The following UBR2 variants were observed in gnomAD, a reference collection of about 807,000 sequenced individuals.
The protein encoded by UBR2 is ubiquitin protein ligase E3 component n-recognin 2.
In UBR2, 92 loss-of-function variants were observed where a neutral mutation model predicts 247.9. That is an observed-to-expected ratio of 0.37 (90% confidence interval 0.31 to 0.44). The LOEUF (loss-of-function observed/expected upper bound fraction) is 0.44, where lower values mean the gene tolerates loss of function less well. Ranked by LOEUF, UBR2 falls within the 20% of genes least tolerant of loss-of-function variation. The pLI, the probability that UBR2 is intolerant of heterozygous loss-of-function variation, is 1.00. For synonymous variants in UBR2, 672 were observed against 693.5 expected (o/e 0.97, Z 0.49); for missense variants, 1,613 against 2,112.6 (o/e 0.76, Z 4.64).
intron 13 of UBR2, among the ~76,000 whole-genome samples, chr6:42,634,858 A>G (rs1562337640): frequency 6.6e-6 from 1 of 152,326 alleles, no homozygotes; most frequent in South Asian, 2.1e-4. Context: ...TACTTTGGTC[A>G]TTTTTGATAC....
intron 7 of UBR2, among the ~76,000 whole-genome samples, chr6:42,611,491 C>G (rs1794085387): frequency 6.7e-6 from 1 of 150,366 alleles, no homozygotes; most frequent in African/African-American, 2.4e-5. Flanking sequence ...AACATCACAT[C>G]TATGCAATAA....
chr6:42,654,578 A>G (rs1481475012), intron 25 of UBR2, among the ~76,000 whole-genome samples: 2 of 152,172 alleles, frequency 1.3e-5, no homozygotes, highest in African/African-American at 4.8e-5. Context: ...TAAAAAAATT[A>G]GCCAATCGTC....
At chr6:42,614,770 T>C (rs1342500027) in intron 8 of UBR2, among the ~76,000 whole-genome samples, 1 of 148,640 alleles carries the variant, frequency 6.7e-6, no homozygotes, top group Non-Finnish European at 1.5e-5. Context: ...AAGAACAATA[T>C]TAAGTGGTTT....
intron 22 of UBR2, among the ~76,000 whole-genome samples, chr6:42,648,863 G>C (rs1400605473): frequency 1.3e-5 from 2 of 151,502 alleles, no homozygotes; most frequent in African/African-American, 2.4e-5. Context: ...ACAAAAAATG[G>C]GTTCATTTCG....
rs761571367 is a variant in UBR2, at chr6:42,668,632, G to T, written c.3882-1460G>T. Among the ~76,000 whole-genome samples the T allele has an allele frequency of 1.1e-3, 170 of 152,050 alleles. 1 individual carries two copies. Among genetic ancestry groups the T allele is most frequent in the Non-Finnish European group, 1.9e-3 (131 of 68,000 alleles). On this transcript the variant is annotated intron_variant, in intron 34 of 46. Transcript: ENST00000372901. ...TTTTTGTATTTTTAGTAGAGACAGG[G>T]TTTCACCCCATCTTGGCCAGACTGG... is the stretch of plus-strand genomic sequence containing the variant.
At chr6:42,638,560 CTCT>C (rs980387900) in intron 15 of UBR2, among the ~76,000 whole-genome samples, 27 of 152,230 alleles carry the variant, frequency 1.8e-4, no homozygotes, top group African/African-American at 6.5e-4. Context: ...GAAGAAATCT[CTCT>C]TATTTCTATA....
intron 34 of UBR2, among the ~76,000 whole-genome samples, chr6:42,667,794 C>A (rs999981689): frequency 2.9e-5 from 4 of 139,440 alleles, no homozygotes; most frequent in Admixed American, 7.6e-5. Flanking sequence ...GAGTCTCACT[C>A]TGTCACCCAG....
chr6:42,634,801 T>C (rs1204687622), intron 13 of UBR2, among the ~76,000 whole-genome samples: 2 of 152,226 alleles, frequency 1.3e-5, no homozygotes. Flanking sequence ...TCATGGGTGT[T>C]TATTATAATA....
intron 5 of UBR2, among the ~76,000 whole-genome samples, chr6:42,605,356 G>A (rs1031522583): frequency 1.3e-5 from 2 of 152,188 alleles, no homozygotes; most frequent in Admixed American, 1.3e-4. Context: ...AATGTCTCCA[G>A]ATGTTGCCAA....
At chr6:42,651,573 C>T (rs1477063943) in intron 23 of UBR2, among the ~76,000 whole-genome samples, 2 of 151,942 alleles carry the variant, frequency 1.3e-5, no homozygotes, top group East Asian at 1.9e-4. Flanking sequence ...TCACTAGAGC[C>T]CCTGCCTCCC....
Position 42,603,692 on chromosome 6 carries a change from TGAA to T in UBR2, c.637_639del (p.Glu213del). ...AAATATTAACCTGGGAAAAAGAAAG[TGAA>T]TTGCCAGCAGATTTAGAGATGGTGT... On this transcript the variant is annotated inframe_deletion, in exon 5 of 47. Transcript: ENST00000372901. 1 of 1,599,120 alleles carries T rather than the reference TGAA, an allele frequency of 6.3e-7. No homozygotes were observed. Among genetic ancestry groups the T allele is most frequent in the Non-Finnish European group, 8.5e-7 (1 of 1,176,734 alleles).
chr6:42,569,128 A>T (rs545731130), intron 1 of UBR2, among the ~76,000 whole-genome samples: 2 of 152,322 alleles, frequency 1.3e-5, no homozygotes, highest in African/African-American at 2.4e-5. Context: ...GTTGCTGTGA[A>T]CATTTTTTAC....
At chr6:42,660,294 C>T (rs1582672613) in intron 30 of UBR2, among the ~76,000 whole-genome samples, 1 of 152,068 alleles carries the variant, frequency 6.6e-6, no homozygotes, top group South Asian at 2.1e-4. Flanking sequence ...AATAGTAATA[C>T]CACCACAGAT....
rs1414342922 is a variant in UBR2 at position 42,676,267 on chromosome 6, A to G, written c.4387+76A>G. 2.8e-6 allele frequency: 4 copies of G among 1,442,018 alleles called. No homozygotes were observed. The Admixed American group carries it at 1.0e-4, about 37-fold the overall frequency. The allele number at this position is 1,442,018 out of a possible 1,614,324, so 89.3% of individuals were successfully genotyped here. A position where few individuals can be genotyped will look rare whatever the true frequency, so the allele number is the denominator to read the frequency against. On this transcript the variant is annotated intron_variant, in intron 39 of 46. Transcript: ENST00000372901. Reference sequence around the variant, plus strand: ...GAGTTTTAAAAAAAGTATTAGAGGAAAAGGTATTTGGATGAGAATAACACA... The same window carrying G: ...GAGTTTTAAAAAAAGTATTAGAGGAGAAGGTATTTGGATGAGAATAACACA...
intron 1 of UBR2, among the ~76,000 whole-genome samples, chr6:42,573,153 G>C (rs980936760): frequency 1.3e-5 from 2 of 151,638 alleles, no homozygotes; most frequent in African/African-American, 4.9e-5. Flanking sequence ...AACGGAAAAG[G>C]CCTTATAGAG....
At chr6:42,605,656 A>G (rs1687684374) in intron 5 of UBR2, 65 bp from the exon 6 acceptor site, 2 of 1,488,208 alleles carry the variant, frequency 1.3e-6, no homozygotes, top group Admixed American at 4.0e-5. Context: ...TAGTCTCTTA[A>G]TAAGTCAGCC....
rs554225644 is a variant in UBR2, at chr6:42,587,869, T to A, written c.339-4282T>A. On this transcript the variant is annotated intron_variant, in intron 2 of 46. Coordinates refer to ENST00000372901, the MANE Select transcript of UBR2 (RefSeq NM_001363705.2). ...TGAAAATGTTTTTATTTTGCACTTATTTTTTTCTCCCTTTTTTTATTCTGG... is the reference window on the plus strand; with the variant it reads ...TGAAAATGTTTTTATTTTGCACTTAATTTTTTCTCCCTTTTTTTATTCTGG... Among the ~76,000 whole-genome samples the A allele has an allele frequency of 2.4e-4, 4 of 16,920 alleles. No homozygotes were observed. In the African/African-American group the frequency reaches 2.7e-3, roughly 12 times the overall value. 11.1% of individuals were successfully genotyped at this position (16,920 alleles called of 152,430 possible).
At chr6:42,685,832 G>A (rs371350517) in intron 44 of UBR2, among the ~76,000 whole-genome samples, 3 of 151,614 alleles carry the variant, frequency 2.0e-5, no homozygotes, top group African/African-American at 7.3e-5. Flanking sequence ...AGTCATGATC[G>A]TGCCACTGCA....
Position 42,623,226 on chromosome 6 carries a change from C to T in UBR2, c.1281+5719C>T, listed in dbSNP as rs147710207. Among the ~76,000 whole-genome samples the T allele has an allele frequency of 2.4e-4, 36 of 152,020 alleles. No homozygotes were observed. In the East Asian group the frequency reaches 4.3e-3, roughly 18 times the overall value. On this transcript the variant is annotated intron_variant, in intron 11 of 46. Transcript: ENST00000372901. ...ATGTTTTGCTTTGGAGTTTTGTTTG[C>T]TTGGTTTTTGTTTGATTGTTTATAG...
Sources: gnomAD v4.1 joint callset for allele counts (sites outside exome capture counted in the v4.1 genomes callset) on GRCh38, gnomAD v4.1.1 for gene constraint, MANE v1.5 for transcripts, NCBI Gene and HGNC (gene_info 2026-07-23, HGNC 2026-07-21) for gene names.